Variants in AFTPH observed in about 807,000 individuals in gnomAD.
The protein encoded by AFTPH is aftiphilin.
In AFTPH, 7 loss-of-function variants were observed where a neutral mutation model predicts 72.5. That is an observed-to-expected ratio of 0.10 (90% CI 0.05 to 0.18). The LOEUF (loss-of-function observed/expected upper bound fraction) is 0.18, where lower values mean the gene tolerates loss of function less well. Among genes scored for constraint, AFTPH ranks in the 10% least tolerant of loss-of-function variants. The pLI, the probability that AFTPH is intolerant of heterozygous loss-of-function variation, is 1.00. For missense variants in AFTPH, 979 were observed against 1,060.5 expected, an observed-to-expected ratio of 0.92 and a Z score of 1.07; for synonymous variants, 337 against 370.1, an observed-to-expected ratio of 0.91 and a Z score of 1.03.
chr2:64,551,424 C>G lies in AFTPH; in HGVS notation c.-32-19C>G, dbSNP rs1671041648. 4 of 1,545,626 alleles carry G rather than the reference C, an allele frequency of 2.6e-6. No individual in the cohort carries two copies. The highest frequency in any genetic ancestry group is 3.5e-6 in the Non-Finnish European group (4 of 1,149,830). ...ATGTAATCTGTCCCCTCCAAAAATT[C>G]TTTTTTTCTTTTTTACAGGTGTAAA... On this transcript the variant is annotated intron_variant, in intron 1 of 8. Coordinates refer to ENST00000238856, the Ensembl canonical transcript of AFTPH.
exon 2 of AFTPH, chr2:64,552,122 C>T: frequency 6.2e-7 from 1 of 1,614,086 alleles, no homozygotes; most frequent in South Asian, 1.1e-5. Context: ...GCACTCATAG[C>T]ACTGAGTATA....
chr2:64,548,148 C>T (rs1670767584), intron 1 of AFTPH, among the ~76,000 whole-genome samples: 2 of 145,100 alleles, frequency 1.4e-5, no homozygotes, highest in African/African-American at 5.0e-5. Flanking sequence ...AATCCCAGCA[C>T]TTTGGGAGGC....
intron 7 of AFTPH, among the ~76,000 whole-genome samples, chr2:64,583,341 TA>T (rs1222213704): frequency 1.3e-5 from 2 of 149,964 alleles, no homozygotes; most frequent in Non-Finnish European, 3.0e-5. Context: ...GACCTTCCAT[TA>T]AAAAAATTAC....
chr2:64,527,836 C>CA (rs1255247520), intron 1 of AFTPH, among the ~76,000 whole-genome samples: 2 of 152,216 alleles, frequency 1.3e-5, no homozygotes, highest in African/African-American at 4.8e-5. Flanking sequence ...AACCATTTAA[C>CA]AGCCCTTTGT....
At chr2:64,550,831 A>C (rs779321678) in intron 1 of AFTPH, among the ~76,000 whole-genome samples, 1 of 152,114 alleles carries the variant, frequency 6.6e-6, no homozygotes, top group Admixed American at 6.5e-5. Flanking sequence ...CCTTATTACT[A>C]TATTACCATT....
At chr2:64,558,057 G>A (rs990911906) in intron 2 of AFTPH, among the ~76,000 whole-genome samples, 1 of 152,072 alleles carries the variant, frequency 6.6e-6, no homozygotes, top group Admixed American at 6.5e-5. Context: ...ATATTTAATG[G>A]TGCTGCAGCA....
At chr2:64,561,347 T>C (rs182785928) in intron 2 of AFTPH, among the ~76,000 whole-genome samples, 31 of 152,290 alleles carry the variant, frequency 2.0e-4, no homozygotes, top group Non-Finnish European at 3.8e-4. Context: ...GGACTGTTTT[T>C]CCTCTTTATA....
intron 1 of AFTPH, among the ~76,000 whole-genome samples, chr2:64,550,730 C>CACACACACACACACAA (rs1299044267): frequency 7.1e-6 from 1 of 140,262 alleles, no homozygotes. Flanking sequence ...CACACACACA[C>CACACACACACACACAA]AACTGGTGAA....
intron 8 of AFTPH, among the ~76,000 whole-genome samples, chr2:64,588,695 T>C (rs1171443058): frequency 2.6e-5 from 4 of 152,224 alleles, no homozygotes; most frequent in Non-Finnish European, 5.9e-5. Flanking sequence ...TTCATGTGTT[T>C]ATCGACTATT....
intron 1 of AFTPH, among the ~76,000 whole-genome samples, chr2:64,543,415 G>C (rs1307042674): frequency 2.0e-5 from 3 of 152,196 alleles, no homozygotes; most frequent in African/African-American, 7.2e-5. Flanking sequence ...TCTGTAATCA[G>C]TGTTTCTGTT....
At chr2:64,559,778 C>T (rs1221524337) in intron 2 of AFTPH, among the ~76,000 whole-genome samples, 1 of 152,162 alleles carries the variant, frequency 6.6e-6, no homozygotes, top group Non-Finnish European at 1.5e-5. Flanking sequence ...GGTCTCTGCT[C>T]ACTGCAGCCT....
At chr2:64,553,506 G>A (rs1195490089) in intron 2 of AFTPH, 97 bp downstream of exon 2, 7 of 1,317,952 alleles carry the variant, frequency 5.3e-6, no homozygotes, top group Non-Finnish European at 7.0e-6. Context: ...CTGAGTACTT[G>A]TTAAAGGAGT....
intron 2 of AFTPH, among the ~76,000 whole-genome samples, chr2:64,555,599 A>ACACACAC (rs1558611151): frequency 6.8e-6 from 1 of 146,958 alleles, no homozygotes; most frequent in African/African-American, 2.6e-5. Context: ...ACACACACAC[A>ACACACAC]AGACTTTCTT....
intron 6 of AFTPH, among the ~76,000 whole-genome samples, chr2:64,578,194 TTACAAAAATAACTGATTCA>T (rs1672937936): frequency 6.6e-6 from 1 of 151,596 alleles, no homozygotes; most frequent in Non-Finnish European, 1.5e-5. Context: ...GAGTTAGACT[TTACAAAAATAACTGATTCA>T]TGCTCCTTTT....
exon 9 of AFTPH, chr2:64,592,835 T>C (rs1351525700): frequency 6.6e-6 from 1 of 152,646 alleles, no homozygotes; most frequent in African/African-American, 2.4e-5. Flanking sequence ...GTTTAGGCTG[T>C]ATATACAGTG....
intron 1 of AFTPH, among the ~76,000 whole-genome samples, chr2:64,549,308 C>CTTTTTTTTTTTTTTTTTTT (rs34951706): frequency 1.8e-5 from 1 of 55,982 alleles, no homozygotes; most frequent in African/African-American, 6.1e-5. Flanking sequence ...TTAGTCCTCC[C>CTTTTTTTTTTTTTTTTTTT]TTTTTTTTTT....
At chr2:64,588,711 A>G (rs1026470585) in intron 8 of AFTPH, among the ~76,000 whole-genome samples, 6 of 152,280 alleles carry the variant, frequency 3.9e-5, no homozygotes, top group African/African-American at 1.4e-4. Flanking sequence ...CTATTTGTAT[A>G]TCTTCTGTGG....
rs574417820 is a variant in AFTPH at position 64,525,769 on chromosome 2, A to G, written c.-33+1157A>G. On this transcript the variant is annotated intron_variant, in intron 1 of 8. Coordinates refer to ENST00000238856, the Ensembl canonical transcript of AFTPH. ...TCACGTACATTTTATATGCTTTACC[A>G]GTTTAAATGTTGGCTTTTTTAGTAG... Among the ~76,000 whole-genome samples, 9 of 152,322 alleles carry G rather than the reference A, an allele frequency of 5.9e-5. No individual in the cohort carries two copies. In the South Asian group the frequency reaches 1.7e-3, roughly 28 times the overall value.
intron 2 of AFTPH, among the ~76,000 whole-genome samples, chr2:64,560,598 C>T (rs974185181): frequency 1.3e-5 from 2 of 152,152 alleles, no homozygotes; most frequent in African/African-American, 2.4e-5. Flanking sequence ...AGGGGCCGGG[C>T]ATGGTGGCTC....
Sources: allele counts gnomAD v4.1 joint callset (sites outside exome capture counted in the v4.1 genomes callset), GRCh38; gene constraint gnomAD v4.1.1; transcripts MANE v1.5; gene names NCBI Gene and HGNC (gene_info 2026-07-23, HGNC 2026-07-21).